CEMIP2: variants seen among roughly 807,000 people sequenced by gnomAD.
CEMIP2 encodes the protein cell migration inducing hyaluronidase 2, also known as cell surface hyaluronidase CEMIP2.
CEMIP2 carries 79 observed loss-of-function variants against 146.9 expected under a neutral mutation model. The ratio of observed to expected loss-of-function variants is 0.54; its 90% CI spans 0.45 to 0.65. CEMIP2 has a LOEUF of 0.65. Ranked by LOEUF, CEMIP2 falls within the 30% of genes least tolerant of loss-of-function variation. The probability of loss-of-function intolerance (pLI) is 0.00; values close to 1 mark genes in which losing one functional copy is unlikely to be tolerated. For missense variants in CEMIP2, 1,596 were observed against 1,696.2 expected (o/e 0.94, Z 1.04); for synonymous variants, 601 against 606.3 (o/e 0.99, Z 0.13).
rs1314384831 is a variant in CEMIP2, at chr9:71,745,525, G to C, written c.527C>G (p.Thr176Ser). ...ACCATCCTGGATCAGGATGTAATGA[G>C]TCCTCAAAGTAATATTTCTGGATCC... is the stretch of plus-strand genomic sequence containing the variant. ...KDGSRNITLR[T>S]HYILIQDGGA... Residue 176 changes from threonine to serine, a missense_variant, in exon 4 of 24, where the codon ACT (threonine) becomes AGT (serine). By Grantham distance (58) the Thr-to-Ser change is moderately conservative (BLOSUM62 1). Coordinates refer to ENST00000377044, the MANE Select transcript of CEMIP2 (RefSeq NM_013390.3). The C allele has an allele frequency of 7.4e-6, 12 of 1,613,102 alleles. No homozygotes were observed. The highest frequency in any genetic ancestry group is 2.7e-5 in the African/African-American group (2 of 74,902).
Position 71,745,402 on chromosome 9 carries a change from A to T in CEMIP2, c.650T>A (p.Phe217Tyr), listed in dbSNP as rs760832135. 1.9e-6 allele frequency: 3 copies of T among 1,614,060 alleles called. No individual in the cohort carries two copies. The highest frequency in any genetic ancestry group is 2.5e-6 in the Non-Finnish European group (3 of 1,179,986). Residue 217 changes from phenylalanine to tyrosine, a missense_variant, in exon 4 of 24, where the codon TTT (phenylalanine) becomes TAT (tyrosine). Transcript: ENST00000377044. ...KSDEGESMPT[F>Y]GKKFIGVEAG... ...TTCCACACCAATAAACTTTTTGCCAAATGTTGGCATACTTTCACCTTCATC... is the reference window on the plus strand; with the variant it reads ...TTCCACACCAATAAACTTTTTGCCATATGTTGGCATACTTTCACCTTCATC...
At chr9:71,726,891 T>C (rs1000559138) in intron 10 of CEMIP2, among the ~76,000 whole-genome samples, 7 of 152,046 alleles carry the variant, frequency 4.6e-5, no homozygotes, top group African/African-American at 1.7e-4. Flanking sequence ...GAGTGGACCA[T>C]CCTAGGATGC....
intron 20 of CEMIP2, 95 bp downstream of exon 20, chr9:71,697,890 G>C (rs906813942): frequency 1.6e-6 from 2 of 1,252,998 alleles, no homozygotes; most frequent in Non-Finnish European, 2.2e-6. Context: ...TCCATAAATG[G>C]GCAATATAGA....
Position 71,685,146 on chromosome 9 carries a change from A to G in CEMIP2, c.*51T>C. ...GTCATTTTAAAATGCCATAAATTAAATAAGTTAGTTCACATTTTTTTTCCC... is the reference window on the plus strand; with the variant it reads ...GTCATTTTAAAATGCCATAAATTAAGTAAGTTAGTTCACATTTTTTTTCCC... On this transcript the variant is annotated 3_prime_UTR_variant, in exon 24 of 24. Transcript: ENST00000377044. The G allele has an allele frequency of 6.8e-7, 1 of 1,480,950 alleles. No homozygotes were observed. Among genetic ancestry groups the G allele is most frequent in the Non-Finnish European group, 9.1e-7 (1 of 1,101,606 alleles). 91.7% of individuals were successfully genotyped at this position (1,480,950 alleles called of 1,614,324 possible).
At chr9:71,718,366 A>G (rs868688188) in intron 12 of CEMIP2, among the ~76,000 whole-genome samples, 1 of 152,156 alleles carries the variant, frequency 6.6e-6, no homozygotes, top group Non-Finnish European at 1.5e-5. Context: ...TTCCAAAAAA[A>G]CCCAGATCAG....
intron 22 of CEMIP2, chr9:71,686,227 C>T (rs1209505980): frequency 3.3e-5 from 6 of 181,408 alleles, no homozygotes; most frequent in African/African-American, 9.4e-5. Context: ...GCATTACAGC[C>T]TGAGCTCCGC....
chr9:71,729,158 C>T (rs1011061632), intron 10 of CEMIP2, among the ~76,000 whole-genome samples: 3 of 150,998 alleles, frequency 2.0e-5, no homozygotes, highest in African/African-American at 7.3e-5. Flanking sequence ...TTTTTATCAA[C>T]ACCCTGAAAT....
At position 71,728,302 on chromosome 9, in the gene CEMIP2, C is replaced by CGTATATATATATATATATAT. The variant is rs1554684803; in HGVS notation, c.2049+1542_2049+1543insATATATATATATATATATAC. Among the ~76,000 whole-genome samples, 5 of 11,578 alleles carry CGTATATATATATATATATAT rather than the reference C, an allele frequency of 4.3e-4. 1 individual carries two copies. The highest frequency in any genetic ancestry group is 3.5e-3 in the South Asian group (1 of 284). 7.6% of individuals were successfully genotyped at this position (11,578 alleles called of 152,430 possible). A position where few individuals can be genotyped will look rare whatever the true frequency, so the allele number is the denominator to read the frequency against. On this transcript the variant is annotated intron_variant, in intron 10 of 23. Transcript: ENST00000377044. ...ATATGTATATATATATATATATATA[C>CGTATATATATATATATATAT]ATATATATATATATACGTATATATA...
intron 4 of CEMIP2, among the ~76,000 whole-genome samples, chr9:71,741,227 G>A (rs1041703720): frequency 1.0e-4 from 11 of 106,904 alleles, no homozygotes; most frequent in Admixed American, 4.1e-4. Flanking sequence ...ATGGAGTTTC[G>A]CTCTTGTTAC....
chr9:71,732,313 C>A, intron 7 of CEMIP2, 38 bp downstream of exon 7: 3 of 1,529,340 alleles, frequency 2.0e-6, no homozygotes, highest in Non-Finnish European at 2.6e-6. Context: ...TATTTAGCAA[C>A]CAGGATTTCA....
Position 71,760,018 on chromosome 9 carries a change from TA to T in CEMIP2, c.-13+8338del, listed in dbSNP as rs34841456. 0.013 allele frequency among the ~76,000 whole-genome samples: 1,902 copies of T among 143,670 alleles called. 62 individuals are homozygous for T. In the South Asian group the frequency reaches 0.15, roughly 12 times the overall value. The allele number at this position is 143,670 out of a possible 152,430, so 94.3% of individuals were successfully genotyped here. A position where few individuals can be genotyped will look rare whatever the true frequency, so the allele number is the denominator to read the frequency against. On this transcript the variant is annotated intron_variant, in intron 1 of 23. Coordinates refer to ENST00000377044, the MANE Select transcript of CEMIP2 (RefSeq NM_013390.3). Reference sequence around the variant, plus strand: ...TAGTCCTAAAAAGACTAAATTTACTTAAAAAAAAAAAAAGATACTAAGCTTT... The same window carrying T: ...TAGTCCTAAAAAGACTAAATTTACTTAAAAAAAAAAAAGATACTAAGCTTT...
intron 14 of CEMIP2, among the ~76,000 whole-genome samples, chr9:71,715,310 C>T (rs1175470922): frequency 1.6e-5 from 2 of 128,426 alleles, no homozygotes; most frequent in African/African-American, 6.0e-5. Flanking sequence ...ATGGCAAGAA[C>T]ATGGTTCACT....
chr9:71,730,913 ATC>A lies in CEMIP2; in HGVS notation c.1564-1_1564del, dbSNP rs764613365. On this transcript the variant is annotated splice_acceptor_variant and coding_sequence_variant, in exon 8 of 24. Transcript: ENST00000377044. LOFTEE classifies it high-confidence loss of function. ...ATGGACTGAAGTAAAATTTTTCATT[ATC>A]TGTAAGTCAAGGTACTAAAATCAAA... 1.2e-6 allele frequency: 2 copies of A among 1,613,998 alleles called. No homozygotes were observed. The highest frequency in any genetic ancestry group is 3.3e-5 in the Admixed American group (2 of 60,028).
At chr9:71,727,375 C>T (rs1823418570) in intron 10 of CEMIP2, among the ~76,000 whole-genome samples, 1 of 152,216 alleles carries the variant, frequency 6.6e-6, no homozygotes, top group South Asian at 2.1e-4. Flanking sequence ...GTTAGAAACT[C>T]TAGCACAAAC....
chr9:71,705,342 A>T (rs1054935152), intron 17 of CEMIP2, among the ~76,000 whole-genome samples: 6 of 152,190 alleles, frequency 3.9e-5, no homozygotes, highest in South Asian at 2.1e-4. Flanking sequence ...AAAAACATTA[A>T]ACTGAGACAA....
At chr9:71,748,098 T>A (rs1239115165) in intron 2 of CEMIP2, among the ~76,000 whole-genome samples, 1 of 152,210 alleles carries the variant, frequency 6.6e-6, no homozygotes, top group Non-Finnish European at 1.5e-5. Flanking sequence ...TAACAAGCAC[T>A]GTACCCAGCT....
At chr9:71,699,452 T>A (rs1438805808) in intron 19 of CEMIP2, 3 of 378,398 alleles carry the variant, frequency 7.9e-6, no homozygotes, top group Non-Finnish European at 1.0e-5. Context: ...CACCGTCTCT[T>A]AAAAAAAAAA....
chr9:71,708,499 T>G (rs946004791), intron 17 of CEMIP2, among the ~76,000 whole-genome samples: 1 of 152,208 alleles, frequency 6.6e-6, no homozygotes, highest in Non-Finnish European at 1.5e-5. Context: ...TGTACCGACA[T>G]AGAGAAGTTA....
Position 71,698,222 on chromosome 9 carries a change from C to T in CEMIP2, c.3378-18G>A, listed in dbSNP as rs750403259. The stretch of plus-strand genomic sequence containing the variant: ...ACAGTAACCTGCACAAAACAGAAAC[C>T]AATCCATGTAGTTAGACTTATTCTC... On this transcript the variant is annotated intron_variant, in intron 19 of 23. Coordinates refer to ENST00000377044, the MANE Select transcript of CEMIP2 (RefSeq NM_013390.3). 3.7e-6 allele frequency: 6 copies of T among 1,609,912 alleles called. No homozygotes were observed. The Admixed American group carries it at 1.0e-4, about 27-fold the overall frequency.
Sources: allele counts gnomAD v4.1 joint callset (sites outside exome capture counted in the v4.1 genomes callset), GRCh38; gene constraint gnomAD v4.1.1; transcripts MANE v1.5; gene names NCBI Gene and HGNC (gene_info 2026-07-23, HGNC 2026-07-21).